The following ABCA8 variants were observed in gnomAD, a reference collection of about 807,000 sequenced individuals.
ABCA8 encodes ABC-type organic anion transporter ABCA8.
ABCA8 carries 177 observed loss-of-function variants against 192.3 expected under a neutral mutation model. That is an observed-to-expected ratio of 0.92 (90% CI 0.81 to 1.04). The LOEUF is 1.04. Among genes scored for constraint, ABCA8 ranks in the 50% least tolerant of loss-of-function variants. The pLI, the probability that ABCA8 is intolerant of heterozygous loss-of-function variation, is 0.00. For missense variants in ABCA8, 1,915 were observed against 1,904.8 expected (o/e 1.01, Z -0.10); for synonymous variants, 642 against 690.2 (o/e 0.93, Z 1.09).
At chr17:68,951,492 G>T (rs2068567697) in intron 1 of ABCA8, among the ~76,000 whole-genome samples, 2 of 152,174 alleles carry the variant, frequency 1.3e-5, no homozygotes, top group South Asian at 4.1e-4. Context: ...CTTTTTCATT[G>T]TGTTCTTCAA....
intron 17 of ABCA8, among the ~76,000 whole-genome samples, chr17:68,909,479 T>C (rs367643932): frequency 1.4e-3 from 207 of 152,330 alleles, no homozygotes; most frequent in African/African-American, 4.9e-3. Context: ...TAGGAGTCCA[T>C]GAATGGACTC....
At chr17:68,904,680 C>A (rs191384193) in intron 19 of ABCA8, among the ~76,000 whole-genome samples, 1 of 152,136 alleles carries the variant, frequency 6.6e-6, no homozygotes, top group Non-Finnish European at 1.5e-5. Context: ...ACAGCATCTA[C>A]GAACTTTTTT....
intron 20 of ABCA8, 53 bp from the exon 21 acceptor site, chr17:68,902,932 A>G: frequency 6.8e-7 from 1 of 1,467,088 alleles, no homozygotes; most frequent in Non-Finnish European, 9.4e-7. Context: ...CTGATCTAAT[A>G]CTCTCTGAGC....
chr17:68,874,966 C>G (rs1598179846), intron 37 of ABCA8, among the ~76,000 whole-genome samples: 1 of 152,250 alleles, frequency 6.6e-6, no homozygotes, highest in South Asian at 2.1e-4. Flanking sequence ...ACTCACAACG[C>G]TTTTTTGAAG....
chr17:68,894,726 T>C (rs1567837430), intron 22 of ABCA8, 154 bp downstream of exon 22: 1 of 786,706 alleles, frequency 1.3e-6, no homozygotes, highest in Non-Finnish European at 1.9e-6. Flanking sequence ...ATGATGGATA[T>C]ATGAATTGTT....
chr17:68,873,790 A>G lies in ABCA8; in HGVS notation c.4631+1470T>C, dbSNP rs114180154. On this transcript the variant is annotated intron_variant, in intron 37 of 39. Transcript: ENST00000586539. ...GTGGATATCCTGTTTTCCCAACACA[A>G]TTGGTTGAAGAGACTATCCCTTCCC... 1.4e-3 allele frequency among the ~76,000 whole-genome samples: 218 copies of G among 152,282 alleles called. 1 individual carries two copies. Among genetic ancestry groups the G allele is most frequent in the African/African-American group, 4.8e-3 (199 of 41,560 alleles).
intron 26 of ABCA8, chr17:68,886,767 A>T (rs1474977531): frequency 9.4e-6 from 2 of 212,624 alleles, no homozygotes; most frequent in African/African-American, 2.3e-5. Flanking sequence ...AGGAAATTAG[A>T]ATAGACACTC....
At chr17:68,925,657 A>G (rs2067678139) in intron 10 of ABCA8, among the ~76,000 whole-genome samples, 2 of 152,206 alleles carry the variant, frequency 1.3e-5, no homozygotes, top group Non-Finnish European at 2.9e-5. Context: ...TCCTTCATTC[A>G]TGCAATAAAT....
chr17:68,910,358 C>T (rs2067202260), intron 17 of ABCA8, among the ~76,000 whole-genome samples: 1 of 152,120 alleles, frequency 6.6e-6, no homozygotes, highest in Non-Finnish European at 1.5e-5. Flanking sequence ...TGCATTGGAA[C>T]TCAGTGTTGC....
At position 68,894,256 on chromosome 17, in the gene ABCA8, G is replaced by C. The variant is rs1167702011; in HGVS notation, c.2953C>G (p.Leu985Val). 1 of 1,612,600 alleles carries C rather than the reference G, an allele frequency of 6.2e-7. No homozygotes were observed. Among genetic ancestry groups the C allele is most frequent in the South Asian group, 1.1e-5 (1 of 90,798 alleles). The stretch of plus-strand genomic sequence containing the variant: ...AGCCCATTACTAACAATGTCCATAA[G>C]AACTGGGAAGCAATTCAATCTTTTG... Reference protein sequence around the residue: ...NAKRLNCFPVLMDIVSNGLLG... With the variant: ...NAKRLNCFPVVMDIVSNGLLG... The change falls in exon 23 of 40, where the codon CTT becomes GTT. Residue 985 changes from leucine (L) to valine (V), a missense_variant. Leu to Val is a conservative substitution (Grantham distance 32). Coordinates refer to ENST00000586539, the MANE Select transcript of ABCA8 (RefSeq NM_001288985.2).
intron 1 of ABCA8, among the ~76,000 whole-genome samples, chr17:68,950,024 G>C (rs769325528): frequency 6.6e-6 from 1 of 152,182 alleles, no homozygotes; most frequent in Non-Finnish European, 1.5e-5. Flanking sequence ...CTGATGACAC[G>C]ATTCTATATT....
At chr17:68,902,084 C>A (rs1567843936) in intron 21 of ABCA8, among the ~76,000 whole-genome samples, 1 of 152,140 alleles carries the variant, frequency 6.6e-6, no homozygotes, top group South Asian at 2.1e-4. Context: ...GTGGTATAAC[C>A]ATCAATAAAA....
intron 32 of ABCA8, chr17:68,879,475 C>T (rs958792702): frequency 6.6e-6 from 1 of 152,190 alleles, no homozygotes; most frequent in African/African-American, 2.4e-5. Flanking sequence ...CGTCTGCAGC[C>T]ATCACAGCAA....
chr17:68,951,052 A>G (rs1943830764), intron 1 of ABCA8, among the ~76,000 whole-genome samples: 1 of 152,240 alleles, frequency 6.6e-6, no homozygotes, highest in South Asian at 2.1e-4. Flanking sequence ...CCTCTCAGTC[A>G]TCCAGTTGAG....
rs1555605925 is a variant in ABCA8 at position 68,882,581 on chromosome 17, CT to C, written c.3828+17del. 6.3e-7 allele frequency: 1 copy of C among 1,597,624 alleles called. No homozygotes were observed. Among genetic ancestry groups the C allele is most frequent in the Non-Finnish European group, 8.5e-7 (1 of 1,172,492 alleles). On this transcript the variant is annotated intron_variant, in intron 30 of 39. Transcript: ENST00000586539. ...CTGGTAGACTGACTAATAAAAAAAC[CT>C]TTGTGTTATGTTTTACCTCATCAAA...
intron 21 of ABCA8, among the ~76,000 whole-genome samples, chr17:68,895,455 C>T (rs547951394): frequency 6.6e-6 from 1 of 152,142 alleles, no homozygotes; most frequent in Non-Finnish European, 1.5e-5. Context: ...GAAAAACAAT[C>T]ATAACTTATA....
intron 26 of ABCA8, 86 bp downstream of exon 26, chr17:68,886,931 C>T: frequency 1.3e-6 from 1 of 768,570 alleles, no homozygotes; most frequent in East Asian, 3.0e-5. Context: ...ATAATATTAT[C>T]ATCCTACAGA....
intron 7 of ABCA8, 69 bp from the exon 8 acceptor site, chr17:68,929,771 C>G: frequency 1.5e-6 from 2 of 1,349,676 alleles, no homozygotes; most frequent in South Asian, 3.3e-5. Flanking sequence ...GAAATGGATT[C>G]TAAGATAACT....
chr17:68,870,633 C>A (rs1157479242), intron 37 of ABCA8, among the ~76,000 whole-genome samples: 1 of 152,212 alleles, frequency 6.6e-6, no homozygotes, highest in Non-Finnish European at 1.5e-5. Flanking sequence ...GTTCACTCAG[C>A]ATAAAGTCCT....
Sources: allele counts gnomAD v4.1 joint callset (sites outside exome capture counted in the v4.1 genomes callset), GRCh38; gene constraint gnomAD v4.1.1; transcripts MANE v1.5; gene names NCBI Gene and HGNC (gene_info 2026-07-23, HGNC 2026-07-21).